The following USP13 variants were observed in gnomAD, a reference collection of about 807,000 sequenced individuals.
The protein encoded by USP13 is ubiquitin specific peptidase 13, also known as ubiquitin carboxyl-terminal hydrolase 13.
A neutral mutation model predicts 107.8 loss-of-function variants in USP13; 68 were observed. The ratio of observed to expected loss-of-function variants is 0.63; its 90% CI spans 0.52 to 0.77. The LOEUF (loss-of-function observed/expected upper bound fraction) is 0.77. USP13 is among the 30% of genes least tolerant of loss of function. The pLI is 0.00. For synonymous variants in USP13, 377 were observed against 389.5 expected, an observed-to-expected ratio of 0.97 and a Z score of 0.38; for missense variants, 945 against 1,093.3, an observed-to-expected ratio of 0.86 and a Z score of 1.91.
chr3:179,670,634 C>T (rs1720721665), intron 1 of USP13, among the ~76,000 whole-genome samples: 1 of 152,084 alleles, frequency 6.6e-6, no homozygotes, highest in Non-Finnish European at 1.5e-5. Flanking sequence ...TCAAGATATT[C>T]TCTTATTAAT....
intron 1 of USP13, among the ~76,000 whole-genome samples, chr3:179,656,394 G>A (rs1397463548): frequency 2.6e-5 from 4 of 152,220 alleles, no homozygotes; most frequent in Non-Finnish European, 5.9e-5. Flanking sequence ...AATTCACAGT[G>A]TACCTACCAT....
intron 10 of USP13, 35 bp downstream of exon 10, chr3:179,730,744 G>A (rs375079908): frequency 4.3e-4 from 677 of 1,588,584 alleles, no homozygotes; most frequent in Non-Finnish European, 5.5e-4. Context: ...TTGACATGTA[G>A]GTAGGGAGGA....
rs1720159172 is a variant in USP13, at chr3:179,653,639, G to A, written c.168+246G>A. ...GGCTGGAAGGGCCCGATTCCCAGCA[G>A]CTTGCACACAGCCCCGCCGCCGTTT... On this transcript the variant is annotated intron_variant, in intron 1 of 20. Transcript: ENST00000263966. This position sits in a 1 kb window ranked among gnomAD's most constrained non-coding sequence, Gnocchi z 4.0. The A allele has an allele frequency of 3.9e-6, 2 of 516,298 alleles. No homozygotes were observed. The highest frequency in any genetic ancestry group is 4.0e-5 in the African/African-American group (2 of 50,260). 32.0% of individuals were successfully genotyped at this position (516,298 alleles called of 1,614,324 possible). A position where few individuals can be genotyped will look rare whatever the true frequency, so the allele number is the denominator to read the frequency against.
At chr3:179,730,022 AGGTCATG>A (rs1713742205) in intron 8 of USP13, among the ~76,000 whole-genome samples, 160 bp from the exon 9 acceptor site, 1 of 152,220 alleles carries the variant, frequency 6.6e-6, no homozygotes, top group Non-Finnish European at 1.5e-5. Flanking sequence ...CGTTTCAGGA[AGGTCATG>A]AGTGCTGGTA....
At chr3:179,667,139 C>T (rs1720609964) in intron 1 of USP13, among the ~76,000 whole-genome samples, 2 of 152,112 alleles carry the variant, frequency 1.3e-5, no homozygotes, top group Admixed American at 6.5e-5. Flanking sequence ...GTTTAGTGAG[C>T]GGTTCCCTTC....
In USP13 at chr3:179,781,820, G is replaced by A; in HGVS notation, c.2495G>A (p.Gly832Glu). Residue 832 changes from glycine (G) to glutamate (E), a missense_variant, in exon 20 of 21, where the codon GGA becomes GAA. Transcript: ENST00000263966. The stretch of plus-strand genomic sequence containing the variant: ...TACATTTGCCATATCAAAAAGGAAG[G>A]AAGGTGAGTCATTTTTAGAAGGTAA... Reference protein sequence around the residue: ...GHYICHIKKEGRWVIYNDHKV... With the variant: ...GHYICHIKKEERWVIYNDHKV... 1 of 1,613,530 alleles carries A rather than the reference G, an allele frequency of 6.2e-7. No individual in the cohort carries two copies. Among genetic ancestry groups the A allele is most frequent in the East Asian group, 2.2e-5 (1 of 44,864 alleles).
At position 179,764,118 on chromosome 3, in the gene USP13, A is replaced by G; in HGVS notation, c.2209A>G (p.Thr737Ala). The change falls in exon 18 of 21, where the codon ACC (threonine) becomes GCC (alanine). Residue 737 changes from threonine (T) to alanine (A), a missense_variant. Coordinates refer to ENST00000263966, the MANE Select transcript of USP13 (RefSeq NM_003940.3). ...TCCAGAGGAAATCGTAGCTATCATCACCTCCATGGGATTTCAGCGAAATCA... is the reference window on the plus strand; with the variant it reads ...TCCAGAGGAAATCGTAGCTATCATCGCCTCCATGGGATTTCAGCGAAATCA... Reference protein sequence around the residue: ...QPPEEIVAIITSMGFQRNQAI... With the variant: ...QPPEEIVAIIASMGFQRNQAI... 1.2e-6 allele frequency: 2 copies of G among 1,613,634 alleles called. No individual in the cohort carries two copies. Among genetic ancestry groups the G allele is most frequent in the Non-Finnish European group, 1.7e-6 (2 of 1,179,964 alleles).
intron 2 of USP13, among the ~76,000 whole-genome samples, chr3:179,685,911 T>A (rs966745851): frequency 3.9e-5 from 6 of 152,294 alleles, no homozygotes; most frequent in Middle Eastern, 3.4e-3. Flanking sequence ...TTCAACATTC[T>A]GTAATCCACA....
At chr3:179,729,387 C>G (rs185321782) in intron 8 of USP13, among the ~76,000 whole-genome samples, 1 of 152,162 alleles carries the variant, frequency 6.6e-6, no homozygotes. Context: ...AGCCCAAGGA[C>G]GGGCCCAGTC....
chr3:179,784,831 A>T lies in USP13; in HGVS notation c.*690A>T, dbSNP rs575848273. On this transcript the variant is annotated 3_prime_UTR_variant, in exon 21 of 21. Coordinates refer to ENST00000263966, the MANE Select transcript of USP13 (RefSeq NM_003940.3). ...ACAAGTTGGTTTTTAAAGTCTGAACAGTTGATATTAAGCATATCTGAAAAA... is the reference window on the plus strand; with the variant it reads ...ACAAGTTGGTTTTTAAAGTCTGAACTGTTGATATTAAGCATATCTGAAAAA... 2 of 152,380 alleles carry T rather than the reference A, an allele frequency of 1.3e-5. No individual in the cohort carries two copies. The highest frequency in any genetic ancestry group is 6.5e-5 in the Admixed American group (1 of 15,310). The allele number at this position is 152,380 out of a possible 1,614,324, so 9.4% of individuals were successfully genotyped here. A position where few individuals can be genotyped will look rare whatever the true frequency, so the allele number is the denominator to read the frequency against.
intron 19 of USP13, among the ~76,000 whole-genome samples, chr3:179,779,552 GAAC>G (rs940168426): frequency 5.9e-5 from 9 of 151,784 alleles, no homozygotes; most frequent in African/African-American, 2.2e-4. Flanking sequence ...CAAAAAAAGA[GAAC>G]AACAGAGTGC....
chr3:179,696,267 G>A (rs1219023757), intron 3 of USP13, among the ~76,000 whole-genome samples: 1 of 149,530 alleles, frequency 6.7e-6, no homozygotes, highest in Non-Finnish European at 1.5e-5. Flanking sequence ...TTAGTTGTTA[G>A]AACATAAATA....
At chr3:179,690,484 C>T (rs757051912) in intron 3 of USP13, among the ~76,000 whole-genome samples, 183 bp downstream of exon 3, 6 of 152,070 alleles carry the variant, frequency 3.9e-5, no homozygotes, top group Non-Finnish European at 7.4e-5. Context: ...TGCTTTTAGC[C>T]CTCTTAGTTG....
intron 1 of USP13, among the ~76,000 whole-genome samples, chr3:179,658,988 T>C (rs1183874119): frequency 6.6e-6 from 1 of 152,216 alleles, no homozygotes; most frequent in East Asian, 1.9e-4. Flanking sequence ...CCGGAGGGGA[T>C]ATGATACTCA....
chr3:179,735,643 A>C lies in USP13; in HGVS notation c.1255-4604A>C, dbSNP rs79177313. Reference sequence around the variant, plus strand: ...TCCTTCCCTTCAGTATTTTAACATAAAATTTAAACATCCTCCTTTTCACCT... The same window carrying C: ...TCCTTCCCTTCAGTATTTTAACATACAATTTAAACATCCTCCTTTTCACCT... On this transcript the variant is annotated intron_variant, in intron 10 of 20. Coordinates refer to ENST00000263966, the MANE Select transcript of USP13 (RefSeq NM_003940.3). Among the ~76,000 whole-genome samples the C allele has an allele frequency of 2.7e-3, 414 of 152,176 alleles. 2 individuals carry two copies. The highest frequency in any genetic ancestry group is 9.6e-3 in the African/African-American group (398 of 41,496).
intron 8 of USP13, among the ~76,000 whole-genome samples, chr3:179,726,687 T>A (rs890670243): frequency 6.6e-6 from 1 of 151,784 alleles, no homozygotes; most frequent in Non-Finnish European, 1.5e-5. Context: ...GTAGGCTTTT[T>A]TTTTTTTTGA....
chr3:179,657,107 C>T (rs1156723120), intron 1 of USP13, among the ~76,000 whole-genome samples: 1 of 152,178 alleles, frequency 6.6e-6, no homozygotes, highest in Non-Finnish European at 1.5e-5. Flanking sequence ...CCCAGTTTCT[C>T]CATCTGTAAA....
At chr3:179,780,013 G>A (rs534187706) in intron 19 of USP13, among the ~76,000 whole-genome samples, 5 of 152,304 alleles carry the variant, frequency 3.3e-5, no homozygotes, top group African/African-American at 9.6e-5. Flanking sequence ...GAATGGAATT[G>A]CCATTGACTG....
chr3:179,754,859 C>T lies in USP13; in HGVS notation c.1921+5C>T, dbSNP rs41265421. 1.0e-2 allele frequency: 16,020 copies of T among 1,606,600 alleles called. 115 individuals are homozygous for T. Among genetic ancestry groups the T allele is most frequent in the Non-Finnish European group, 0.012 (14,222 of 1,176,824 alleles). On this transcript the variant is annotated splice_donor_5th_base_variant and intron_variant, in intron 15 of 20. Transcript: ENST00000263966. ...TCATTCCTGATGACTCAAAAGGTAC[C>T]ATCTCCTGCCAGGAGAATATGCGCT...
Sources: allele counts gnomAD v4.1 joint callset (sites outside exome capture counted in the v4.1 genomes callset), GRCh38; gene constraint gnomAD v4.1.1; non-coding constraint Gnocchi (gnomAD v3.1); transcripts MANE v1.5; gene names NCBI Gene and HGNC (gene_info 2026-07-23, HGNC 2026-07-21).